Variants in PPP1R9A observed in about 807,000 individuals in gnomAD.
PPP1R9A encodes the protein protein phosphatase 1 regulatory subunit 9A.
PPP1R9A carries 59 observed loss-of-function variants against 141.9 expected under a neutral mutation model. The ratio of observed to expected loss-of-function variants is 0.42; its 90% CI spans 0.34 to 0.52. The LOEUF is 0.52. Among genes scored for constraint, PPP1R9A ranks in the 20% least tolerant of loss-of-function variants. The pLI is 0.10. For synonymous variants in PPP1R9A, 500 were observed against 569.7 expected (o/e 0.88, Z 1.74); for missense variants, 1,444 against 1,611.9 (o/e 0.90, Z 1.78).
chr7:95,143,315 C>T (rs982100728), intron 4 of PPP1R9A, among the ~76,000 whole-genome samples: 1 of 152,120 alleles, frequency 6.6e-6, no homozygotes, highest in African/African-American at 2.4e-5. Context: ...ATTGGCATTC[C>T]ATAGCTGCCA....
intron 2 of PPP1R9A, among the ~76,000 whole-genome samples, chr7:94,934,521 G>T: frequency 6.6e-6 from 1 of 150,676 alleles, no homozygotes. Context: ...AAAAAGATCT[G>T]GCCTTTGAAT....
intron 5 of PPP1R9A, among the ~76,000 whole-genome samples, chr7:95,177,469 A>T (rs1833066312): frequency 6.6e-6 from 1 of 152,090 alleles, no homozygotes; most frequent in African/African-American, 2.4e-5. Context: ...GTTAACAAAC[A>T]AACAAAAACC....
chr7:95,126,369 A>G (rs796858465), intron 4 of PPP1R9A, among the ~76,000 whole-genome samples: 3 of 152,230 alleles, frequency 2.0e-5, no homozygotes, highest in African/African-American at 7.2e-5. Flanking sequence ...CCTTATCCCT[A>G]TTGATTCTGG....
chr7:95,261,844 A>G (rs1438097568), intron 12 of PPP1R9A, among the ~76,000 whole-genome samples: 2 of 152,206 alleles, frequency 1.3e-5, no homozygotes, highest in Non-Finnish European at 2.9e-5. Context: ...TTATACATCT[A>G]TTATATTACA....
chr7:94,985,882 T>G (rs1800764771), intron 2 of PPP1R9A, among the ~76,000 whole-genome samples: 1 of 152,206 alleles, frequency 6.6e-6, no homozygotes, highest in African/African-American at 2.4e-5. Flanking sequence ...GCAATTGCCA[T>G]GTATGGATGG....
chr7:95,232,880 A>G (rs1293463307), intron 8 of PPP1R9A, among the ~76,000 whole-genome samples: 1 of 152,180 alleles, frequency 6.6e-6, no homozygotes, highest in Non-Finnish European at 1.5e-5. Flanking sequence ...CAGATGCTGG[A>G]GAGGATATGG....
chr7:95,105,390 C>G (rs927981028), intron 2 of PPP1R9A, among the ~76,000 whole-genome samples: 1 of 152,116 alleles, frequency 6.6e-6, no homozygotes, highest in South Asian at 2.1e-4. Flanking sequence ...AACTTGTTAC[C>G]CCTGAAAGCC....
At chr7:95,289,667 A>T (rs1806039393) in intron 19 of PPP1R9A, among the ~76,000 whole-genome samples, 1 of 152,242 alleles carries the variant, frequency 6.6e-6, no homozygotes, top group African/African-American at 2.4e-5. Context: ...AAACATTGGC[A>T]GAAAGGAAGC....
intron 2 of PPP1R9A, among the ~76,000 whole-genome samples, chr7:94,928,332 A>G (rs951946746): frequency 2.0e-5 from 3 of 152,110 alleles, no homozygotes; most frequent in Non-Finnish European, 2.9e-5. Context: ...AATGCAAACT[A>G]TGGGGAGTCA....
intron 2 of PPP1R9A, among the ~76,000 whole-genome samples, chr7:95,025,848 C>T (rs1475995616): frequency 6.6e-6 from 1 of 151,952 alleles, no homozygotes; most frequent in South Asian, 2.1e-4. Context: ...GATACCCTTT[C>T]TTCAGTTTGA....
At chr7:95,270,673 C>T (rs113883858) in intron 14 of PPP1R9A, among the ~76,000 whole-genome samples, 75 of 152,166 alleles carry the variant, frequency 4.9e-4, no homozygotes, top group South Asian at 1.9e-3. Context: ...GTTTTGGTCC[C>T]GAGGCTTACA....
chr7:95,242,008 A>G (rs543603033), intron 8 of PPP1R9A, among the ~76,000 whole-genome samples: 4 of 152,280 alleles, frequency 2.6e-5, no homozygotes, highest in African/African-American at 9.6e-5. Context: ...CATTAGTGTT[A>G]CCATTCAGAT....
chr7:95,000,736 C>T (rs1373937442), intron 2 of PPP1R9A, among the ~76,000 whole-genome samples: 1 of 152,122 alleles, frequency 6.6e-6, no homozygotes, highest in Non-Finnish European at 1.5e-5. Flanking sequence ...ATAGGCTAAT[C>T]GTCTCTCTCC....
At position 95,008,079 on chromosome 7, in the gene PPP1R9A, TAAAC is replaced by T. The variant is rs373925625; in HGVS notation, c.1395+96577_1395+96580del. On this transcript the variant is annotated intron_variant, in intron 2 of 19. Coordinates refer to ENST00000433360, the MANE Select transcript of PPP1R9A (RefSeq NM_001166160.2). ...AGAGTGAGACTCCATCTCAAATAAA[TAAAC>T]AAACACACAAACAAACCAAGCTTCA... Among the ~76,000 whole-genome samples the T allele has an allele frequency of 3.0e-3, 457 of 152,060 alleles. 5 individuals are homozygous for T. The highest frequency in any genetic ancestry group is 4.1e-3 in the Non-Finnish European group (277 of 67,970).
At chr7:94,997,890 A>G (rs1802395394) in intron 2 of PPP1R9A, among the ~76,000 whole-genome samples, 1 of 152,108 alleles carries the variant, frequency 6.6e-6, no homozygotes, top group African/African-American at 2.4e-5. Flanking sequence ...TGTTATGGAA[A>G]GGGTCTTATG....
chr7:95,279,036 T>C (rs1803676637), intron 16 of PPP1R9A, among the ~76,000 whole-genome samples: 1 of 152,230 alleles, frequency 6.6e-6, no homozygotes, highest in African/African-American at 2.4e-5. Flanking sequence ...TATCATTGTT[T>C]ATTAAAGCAG....
intron 14 of PPP1R9A, among the ~76,000 whole-genome samples, chr7:95,271,028 G>A (rs572161608): frequency 6.6e-6 from 1 of 152,130 alleles, no homozygotes; most frequent in Non-Finnish European, 1.5e-5. Context: ...AGCCATCAAA[G>A]CACTTAAGGG....
At chr7:95,004,233 A>G (rs537055434) in intron 2 of PPP1R9A, among the ~76,000 whole-genome samples, 3 of 152,184 alleles carry the variant, frequency 2.0e-5, no homozygotes, top group Admixed American at 1.3e-4. Context: ...ACTTCAAACT[A>G]AAGATATATA....
At chr7:94,919,273 G>A (rs1055887563) in intron 2 of PPP1R9A, among the ~76,000 whole-genome samples, 1 of 151,298 alleles carries the variant, frequency 6.6e-6, no homozygotes, top group Non-Finnish European at 1.5e-5. Flanking sequence ...GGGACTACAG[G>A]TGTGTGCCAC....
Sources: allele counts gnomAD v4.1 joint callset (sites outside exome capture counted in the v4.1 genomes callset), GRCh38; gene constraint gnomAD v4.1.1; transcripts MANE v1.5; gene names NCBI Gene and HGNC (gene_info 2026-07-23, HGNC 2026-07-21).